DMD: variants seen among roughly 807,000 people sequenced by gnomAD.
DMD encodes the protein mutant dystrophin.
A neutral mutation model predicts 330.1 loss-of-function variants in DMD; 63 were observed. The ratio of observed to expected loss-of-function variants is 0.19; its 90% CI spans 0.16 to 0.24. The LOEUF (loss-of-function observed/expected upper bound fraction) is 0.24, where lower values mean the gene tolerates loss of function less well. Among genes scored for constraint, DMD ranks in the 10% least tolerant of loss-of-function variants. The probability of loss-of-function intolerance (pLI) is 1.00; values close to 1 mark genes in which losing one functional copy is unlikely to be tolerated. For synonymous variants in DMD, 1,223 were observed against 959.8 expected, an observed-to-expected ratio of 1.27 and a Z score of -5.07; for missense variants, 3,344 against 2,684.1, an observed-to-expected ratio of 1.25 and a Z score of -5.43.
intron 76 of DMD, 29 bp downstream of exon 76, chrX:31,146,262 C>G: frequency 8.3e-7 from 1 of 1,207,557 alleles, no homozygotes; most frequent in Non-Finnish European, 1.1e-6. Flanking sequence ...CTTCAGACAA[C>G]AAAATCTGAG....
chrX:32,721,936 T>C (rs190293510), intron 7 of DMD, among the ~76,000 whole-genome samples: 1 of 110,038 alleles, frequency 9.1e-6, no homozygotes, highest in East Asian at 2.9e-4. Context: ...ACATATCTTC[T>C]TGGTGGTCCT....
At chrX:32,444,723 G>A (rs1005113223) in intron 27 of DMD, among the ~76,000 whole-genome samples, 7 of 110,954 alleles carry the variant, frequency 6.3e-5, no homozygotes, top group Non-Finnish European at 1.3e-4. Context: ...AGAGAGAGCT[G>A]ACGGAGACTT....
At chrX:32,283,497 C>T (rs1466777690) in intron 43 of DMD, among the ~76,000 whole-genome samples, 1 of 111,932 alleles carries the variant, frequency 8.9e-6, no homozygotes, top group African/African-American at 3.3e-5. Context: ...TTCAGGAATG[C>T]ATAGCTTCTA....
At chrX:31,513,718 T>TAGCAGC (rs919173443) in intron 55 of DMD, among the ~76,000 whole-genome samples, 3 of 111,329 alleles carry the variant, frequency 2.7e-5, no homozygotes, top group East Asian at 5.6e-4. Context: ...ACAAAAACCA[T>TAGCAGC]AGCAGCAGCA....
intron 2 of DMD, among the ~76,000 whole-genome samples, chrX:32,997,389 G>T (rs757562703): frequency 4.5e-5 from 5 of 110,663 alleles, no homozygotes; most frequent in African/African-American, 1.6e-4. Flanking sequence ...GGGATTACAG[G>T]CACGCGCCAC....
chrX:32,816,787 T>G, intron 5 of DMD, 147 bp from the exon 6 acceptor site: 1 of 546,600 alleles, frequency 1.8e-6, no homozygotes, highest in Non-Finnish European at 3.0e-6. Context: ...TACCAGAAGT[T>G]AAGTCTATTC....
chrX:31,783,427 T>C (rs2091128045), intron 50 of DMD, among the ~76,000 whole-genome samples: 1 of 111,195 alleles, frequency 9.0e-6, no homozygotes, highest in Admixed American at 9.6e-5. Flanking sequence ...GTTTTGAAAG[T>C]TGTTATATAA....
chrX:32,504,837 C>T (rs1189026937), intron 18 of DMD, among the ~76,000 whole-genome samples: 1 of 110,319 alleles, frequency 9.1e-6, no homozygotes, highest in African/African-American at 3.3e-5. Flanking sequence ...CAGTGTCACA[C>T]AATATACACA....
chrX:31,707,527 C>G (rs934515562), intron 52 of DMD, among the ~76,000 whole-genome samples: 1 of 110,818 alleles, frequency 9.0e-6, no homozygotes, highest in African/African-American at 3.3e-5. Flanking sequence ...TGCTCACTAA[C>G]ATGGCGATGG....
At chrX:31,384,843 C>G (rs192237790) in intron 60 of DMD, among the ~76,000 whole-genome samples, 24 of 112,226 alleles carry the variant, frequency 2.1e-4, no homozygotes, top group Admixed American at 1.5e-3. Flanking sequence ...TATGGGCCCA[C>G]TTTTGTGATC....
intron 2 of DMD, among the ~76,000 whole-genome samples, chrX:32,869,839 A>G (rs2082806923): frequency 9.2e-6 from 1 of 109,026 alleles, no homozygotes; most frequent in African/African-American, 3.4e-5. Context: ...CCTACAGCCA[A>G]TATCATACTA....
chrX:32,205,532 T>C (rs1250671028), intron 44 of DMD, among the ~76,000 whole-genome samples: 1 of 111,155 alleles, frequency 9.0e-6, no homozygotes, highest in Non-Finnish European at 1.9e-5. Flanking sequence ...GCTATTTTTA[T>C]GGCTTAAATG....
intron 45 of DMD, among the ~76,000 whole-genome samples, chrX:31,951,175 G>GTATA (rs1244761050): frequency 1.6e-5 from 1 of 63,540 alleles, no homozygotes; most frequent in East Asian, 4.3e-4. Flanking sequence ...ATATATATAT[G>GTATA]TATATATATA....
chrX:32,081,632 A>G (rs751288816), intron 44 of DMD, among the ~76,000 whole-genome samples: 1 of 111,507 alleles, frequency 9.0e-6, no homozygotes, highest in Non-Finnish European at 1.9e-5. Context: ...AAGTGGGTGG[A>G]TCACCTGAGG....
chrX:33,116,157 C>T (rs1454044255), intron 1 of DMD, among the ~76,000 whole-genome samples: 1 of 109,331 alleles, frequency 9.1e-6, no homozygotes, highest in Admixed American at 9.8e-5. Flanking sequence ...GGTGCCACTG[C>T]ACTGCAGCCT....
chrX:32,731,113 C>A (rs949530494), intron 7 of DMD, among the ~76,000 whole-genome samples: 3 of 111,934 alleles, frequency 2.7e-5, no homozygotes, highest in African/African-American at 6.5e-5. Context: ...TGCAAGGGGT[C>A]AGGGAGTTCC....
chrX:31,138,534 C>T (rs748001266), intron 76 of DMD, among the ~76,000 whole-genome samples: 10 of 108,250 alleles, frequency 9.2e-5, no homozygotes, highest in Admixed American at 6.0e-4. Context: ...GTTCCAGATG[C>T]GTGAGGAGGC....
intron 44 of DMD, among the ~76,000 whole-genome samples, chrX:32,205,489 A>G (rs1391675026): frequency 2.7e-5 from 3 of 110,262 alleles, no homozygotes; most frequent in Non-Finnish European, 5.7e-5. Context: ...TGACTCATCA[A>G]TGGTGTACCG....
At chrX:31,176,119 A>T (rs376168953) in intron 71 of DMD, among the ~76,000 whole-genome samples, 1 of 111,446 alleles carries the variant, frequency 9.0e-6, no homozygotes, top group Non-Finnish European at 1.9e-5. Context: ...GCTTTGTAAT[A>T]TATTTTATAC....
Sources: gnomAD v4.1 joint callset for allele counts (sites outside exome capture counted in the v4.1 genomes callset) on GRCh38, gnomAD v4.1.1 for gene constraint, MANE v1.5 for transcripts, NCBI Gene and HGNC (gene_info 2026-07-23, HGNC 2026-07-21) for gene names.